The following TENM2 variants were observed in gnomAD, a reference collection of about 807,000 sequenced individuals.
TENM2 encodes the protein teneurin-2.
In TENM2, 52 loss-of-function variants were observed where a neutral mutation model predicts 245.2. The ratio of observed to expected loss-of-function variants is 0.21; its 90% CI spans 0.17 to 0.27. The LOEUF (loss-of-function observed/expected upper bound fraction) is 0.27. Among genes scored for constraint, TENM2 ranks in the 10% least tolerant of loss-of-function variants. The pLI is 1.00. For synonymous variants in TENM2, 1,363 were observed against 1,438.9 expected (o/e 0.95, Z 1.19); for missense variants, 3,046 against 3,666.8 (o/e 0.83, Z 4.37).
At chr5:167,485,122 T>C (rs1767980829) in intron 2 of TENM2, among the ~76,000 whole-genome samples, 1 of 152,074 alleles carries the variant, frequency 6.6e-6, no homozygotes, top group African/African-American at 2.4e-5. Context: ...TATTAGGAAG[T>C]AGACTAGAGG....
At chr5:167,461,928 A>G (rs2127493803) in intron 2 of TENM2, among the ~76,000 whole-genome samples, 1 of 152,236 alleles carries the variant, frequency 6.6e-6, no homozygotes, top group Admixed American at 6.5e-5. Flanking sequence ...ATTTAATCTC[A>G]ACAGATTTGA....
intron 2 of TENM2, among the ~76,000 whole-genome samples, chr5:167,827,753 C>A (rs983739646): frequency 6.6e-6 from 1 of 151,434 alleles, no homozygotes. Context: ...AATGAAAGAA[C>A]TATACAAAAA....
the TENM2 span, among the ~76,000 whole-genome samples, chr5:167,128,000 A>G: frequency 6.6e-6 from 1 of 152,150 alleles, no homozygotes; most frequent in African/African-American, 2.4e-5. Flanking sequence ...TCTCTATAGA[A>G]GGTATTTCAG....
chr5:167,866,966 C>T (rs116786005), intron 2 of TENM2, among the ~76,000 whole-genome samples: 5,264 of 152,280 alleles, frequency 0.035, 142 homozygotes, highest in Non-Finnish European at 0.054. Context: ...ATGTAGAACA[C>T]GCCCATCATC....
rs6888876 is a variant in TENM2, at chr5:167,958,806, C to T, written c.947+5984C>T. Among the ~76,000 whole-genome samples the T allele has an allele frequency of 1.8e-3, 276 of 152,244 alleles. 1 individual carries two copies. The highest frequency in any genetic ancestry group is 6.1e-3 in the African/African-American group (253 of 41,530). ...TTTCTTTAAGAATGTTGAATATTGG[C>T]GCCCACTCTCTTCTGGCTTGTAGCG... On this transcript the variant is annotated intron_variant, in intron 4 of 28. Coordinates refer to ENST00000518659, the Ensembl canonical transcript of TENM2.
chr5:167,993,567 G>C (rs950574033), intron 5 of TENM2, among the ~76,000 whole-genome samples: 2 of 152,168 alleles, frequency 1.3e-5, no homozygotes, highest in Non-Finnish European at 2.9e-5. Context: ...GTTAACTTCA[G>C]CCAAAAACTG....
chr5:167,919,684 G>A (rs1396643697), intron 3 of TENM2, among the ~76,000 whole-genome samples: 1 of 152,192 alleles, frequency 6.6e-6, no homozygotes, highest in East Asian at 1.9e-4. Flanking sequence ...GAGAGAAGCT[G>A]TAGATCTAGG....
chr5:167,963,281 G>T (rs944934792), intron 4 of TENM2, among the ~76,000 whole-genome samples: 7 of 152,114 alleles, frequency 4.6e-5, no homozygotes. Flanking sequence ...TTTCCATATA[G>T]TCTTAGCAAT....
intron 9 of TENM2, among the ~76,000 whole-genome samples, chr5:168,110,631 C>A (rs952803578): frequency 6.6e-6 from 1 of 152,176 alleles, no homozygotes; most frequent in South Asian, 2.1e-4. Flanking sequence ...TCCATGCTTG[C>A]GGGTAATAGG....
intron 2 of TENM2, among the ~76,000 whole-genome samples, chr5:167,546,348 T>C (rs1772559055): frequency 6.6e-6 from 1 of 152,122 alleles, no homozygotes; most frequent in African/African-American, 2.4e-5. Context: ...ATTGAATGAG[T>C]CATTGTCTAC....
chr5:167,040,742 C>T, the TENM2 span, among the ~76,000 whole-genome samples: 2 of 151,982 alleles, frequency 1.3e-5, no homozygotes, highest in Non-Finnish European at 2.9e-5. Context: ...AATATTTTCC[C>T]CACTTATTAA....
intron 2 of TENM2, among the ~76,000 whole-genome samples, chr5:167,614,220 C>G (rs1280390037): frequency 6.6e-6 from 1 of 152,128 alleles, no homozygotes; most frequent in Non-Finnish European, 1.5e-5. Flanking sequence ...AATTTCCTAT[C>G]TTTTGAATGT....
chr5:167,293,133 T>G (rs1018436649), intron 1 of TENM2, among the ~76,000 whole-genome samples: 4 of 152,194 alleles, frequency 2.6e-5, no homozygotes, highest in African/African-American at 9.7e-5. Context: ...GGGAGCCTGG[T>G]GGCCTGAACT....
At chr5:167,633,238 A>T (rs1383829297) in intron 2 of TENM2, among the ~76,000 whole-genome samples, 2 of 152,152 alleles carry the variant, frequency 1.3e-5, no homozygotes, top group East Asian at 3.9e-4. Flanking sequence ...TCGCTAAGTA[A>T]CTCAGAGGCA....
downstream of TENM2, chr5:168,263,397 T>C (rs984766520): frequency 6.6e-6 from 1 of 152,376 alleles, no homozygotes; most frequent in African/African-American, 2.4e-5. Flanking sequence ...CAGGTGCATT[T>C]AAAACACGAC....
At chr5:168,096,975 G>C (rs1285029512) in intron 8 of TENM2, among the ~76,000 whole-genome samples, 4 of 152,090 alleles carry the variant, frequency 2.6e-5, no homozygotes, top group Non-Finnish European at 4.4e-5. Context: ...CACATAGAAA[G>C]GTAAATCACA....
the TENM2 span, among the ~76,000 whole-genome samples, chr5:167,088,614 C>T: frequency 4.7e-5 from 7 of 149,932 alleles, no homozygotes; most frequent in South Asian, 1.1e-3. Flanking sequence ...GTGATAAGAG[C>T]GAGACTCCAT....
At chr5:168,191,281 G>T (rs1581587682) in intron 14 of TENM2, among the ~76,000 whole-genome samples, 1 of 152,214 alleles carries the variant, frequency 6.6e-6, no homozygotes, top group African/African-American at 2.4e-5. Flanking sequence ...GCAAGGGGAA[G>T]GTTTGTCTTG....
At chr5:168,149,528 C>A in intron 12 of TENM2, 1 of 456,252 alleles carries the variant, frequency 2.2e-6, no homozygotes, top group Non-Finnish European at 4.4e-6. Context: ...AGAAACACAT[C>A]TAGCATTAGC....
Sources: gnomAD v4.1 joint callset for allele counts (sites outside exome capture counted in the v4.1 genomes callset) on GRCh38, gnomAD v4.1.1 for gene constraint, MANE v1.5 for transcripts, NCBI Gene and HGNC (gene_info 2026-07-23, HGNC 2026-07-21) for gene names.